ARRDC1: variants seen among roughly 807,000 people sequenced by gnomAD.
ARRDC1 encodes arrestin domain-containing protein 1.
Under a neutral mutation model 40.1 loss-of-function variants are expected in ARRDC1, and 37 were observed. The observed-to-expected ratio is 0.92, with a 90% confidence interval of 0.71 to 1.21. The LOEUF (loss-of-function observed/expected upper bound fraction) is 1.21. ARRDC1 is among the 50% of genes most tolerant of loss of function. The pLI is 0.00. For synonymous variants in ARRDC1, 310 were observed against 262.5 expected (o/e 1.18, Z -1.75); for missense variants, 641 against 581.9 (o/e 1.10, Z -1.04).
Position 137,613,759 on chromosome 9 carries a change from C to A in ARRDC1, c.425C>A (p.Pro142Gln). 6.2e-7 allele frequency: 1 copy of A among 1,614,180 alleles called. No individual in the cohort carries two copies. Among genetic ancestry groups the A allele is most frequent in the African/African-American group, 1.3e-5 (1 of 75,066 alleles). ...AGCCCCTTGAACCTGAACAGCATCC[C>A]AGACATTGAGGTGAGGATGGCACAG... ...ILSPLNLNSIPDIEQPNVASA... is the reference protein window; with the variant it reads ...ILSPLNLNSIQDIEQPNVASA... Residue 142 changes from proline to glutamine, a missense_variant, in exon 4 of 8, where the codon CCA becomes CAA. Physicochemically the swap from Pro to Gln is moderately conservative, Grantham distance 76. Transcript: ENST00000371421.
chr9:137,608,799 G>A (rs753982917), intron 1 of ARRDC1, among the ~76,000 whole-genome samples: 12 of 152,244 alleles, frequency 7.9e-5, no homozygotes, highest in Non-Finnish European at 1.0e-4. Context: ...CTTGCCTCCC[G>A]TGTTCTTACT....
At chr9:137,611,653 C>T (rs867948319) in intron 1 of ARRDC1, 35 of 147,004 alleles carry the variant, frequency 2.4e-4, no homozygotes, top group African/African-American at 9.4e-4. Context: ...TGAGGACAGG[C>T]CCTGGCAGCG....
chr9:137,605,801 G>T lies in ARRDC1; in HGVS notation c.84G>T (p.Val28=). 7.7e-7 allele frequency: 1 copy of T among 1,297,436 alleles called. No individual in the cohort carries two copies. Among genetic ancestry groups the T allele is most frequent in the Non-Finnish European group, 9.8e-7 (1 of 1,023,200 alleles). The allele number at this position is 1,297,436 out of a possible 1,614,324, so 80.4% of individuals were successfully genotyped here. A position where few individuals can be genotyped will look rare whatever the true frequency, so the allele number is the denominator to read the frequency against. The change falls in exon 1 of 8, where the codon GTG becomes GTT. Residue 28 remains valine, a synonymous_variant. Coordinates refer to ENST00000371421, the MANE Select transcript of ARRDC1 (RefSeq NM_152285.4). ...YSPGEPLAGT[V]RVRLGAPLPF... is the part of the protein sequence containing the mutation. ...CCGGGGAGCCGTTGGCTGGGACCGT[G>T]CGCGTGCGCCTGGGGGCACCGCTGC...
intron 1 of ARRDC1, chr9:137,612,581 T>C: frequency 3.1e-6 from 1 of 325,856 alleles, no homozygotes; most frequent in Non-Finnish European, 5.8e-6. Context: ...CAGGTCTGGC[T>C]GGGAGCCAAG....
At chr9:137,612,746 T>C (rs1842554847) in intron 1 of ARRDC1, 150 bp from the exon 2 acceptor site, 3 of 616,312 alleles carry the variant, frequency 4.9e-6, no homozygotes, top group East Asian at 5.6e-5. Flanking sequence ...GCAGATGTCC[T>C]CTGAAGTGGC....
At position 137,615,271 on chromosome 9, in the gene ARRDC1, C is replaced by T. The variant is rs114986132; in HGVS notation, c.*133C>T. The T allele has an allele frequency of 3.8e-3, 3,263 of 852,820 alleles. 54 individuals carry two copies. In the African/African-American group the frequency reaches 0.044, roughly 11 times the overall value. The allele number at this position is 852,820 out of a possible 1,614,324, so 52.8% of individuals were successfully genotyped here. A position where few individuals can be genotyped will look rare whatever the true frequency, so the allele number is the denominator to read the frequency against. On this transcript the variant is annotated 3_prime_UTR_variant, in exon 8 of 8. Coordinates refer to ENST00000371421, the MANE Select transcript of ARRDC1 (RefSeq NM_152285.4). ...AGCCTCTGCCAGCTCCTCTGGCATC[C>T]GCCCTCTTCTCCCTGGGGCTGGGGT...
chr9:137,612,357 C>A, intron 1 of ARRDC1: 1 of 160,122 alleles, frequency 6.2e-6, no homozygotes, highest in South Asian at 1.8e-4. Flanking sequence ...CAGTGCTCGC[C>A]CAGGAAGTAG....
chr9:137,615,166 T>G lies in ARRDC1; in HGVS notation c.*28T>G. 1 of 1,508,906 alleles carries G rather than the reference T, an allele frequency of 6.6e-7. No individual in the cohort carries two copies. The highest frequency in any genetic ancestry group is 2.3e-5 in the East Asian group (1 of 43,360). 93.5% of individuals were successfully genotyped at this position (1,508,906 alleles called of 1,614,324 possible). ...CCGTGCTGCCTTCTCCAGGCAGGCC[T>G]GGCCTCTGCCCTGGGACTGGGGCGC... is the stretch of plus-strand genomic sequence containing the variant. On this transcript the variant is annotated 3_prime_UTR_variant, in exon 8 of 8. Transcript: ENST00000371421.
At chr9:137,610,817 C>A (rs1410220492) in intron 1 of ARRDC1, among the ~76,000 whole-genome samples, 1 of 152,216 alleles carries the variant, frequency 6.6e-6, no homozygotes, top group African/African-American at 2.4e-5. Flanking sequence ...CCTGCCTTGG[C>A]CTCCCGAAGT....
intron 1 of ARRDC1, among the ~76,000 whole-genome samples, chr9:137,610,041 C>T (rs1457521634): frequency 6.6e-6 from 1 of 151,586 alleles, no homozygotes; most frequent in East Asian, 1.9e-4. Context: ...ATCTCGATCT[C>T]CTGACCTCGT....
intron 2 of ARRDC1, 39 bp from the exon 3 acceptor site, chr9:137,613,421 A>C (rs1842577575): frequency 6.3e-7 from 1 of 1,599,796 alleles, no homozygotes; most frequent in East Asian, 2.2e-5. Flanking sequence ...AGGCCACCTC[A>C]GGGGGGGACT....
rs770885209 is a variant in ARRDC1, at chr9:137,614,979, A to G, written c.1216A>G (p.Ser406Gly). 3.1e-6 allele frequency: 5 copies of G among 1,613,576 alleles called. No individual in the cohort carries two copies. The highest frequency in any genetic ancestry group is 4.2e-6 in the Non-Finnish European group (5 of 1,179,882). ...TSTLILPPEY[S>G]SWGYPYEAPP... ...CACCTTGATTCTTCCTCCAGAGTAC[A>G]GTTCTTGGGGCTACCCCTATGGTGA... The change falls in exon 7 of 8, where the codon AGT (serine) becomes GGT (glycine). Residue 406 changes from serine to glycine, a missense_variant. Transcript: ENST00000371421.
At chr9:137,612,692 C>T in intron 1 of ARRDC1, 1 of 548,620 alleles carries the variant, frequency 1.8e-6, no homozygotes. Context: ...GGTCAGGCCC[C>T]TCGCCTGCCT....
chr9:137,614,430 G>T lies in ARRDC1; in HGVS notation c.750G>T (p.Ser250=). The T allele has an allele frequency of 6.2e-7, 1 of 1,613,286 alleles. No homozygotes were observed. Among genetic ancestry groups the T allele is most frequent in the Non-Finnish European group, 8.5e-7 (1 of 1,179,956 alleles). ...TCCTGGTGCCTGCCTTGCCCCAGTC[G>T]GCCCTGCCGGGCTGCAGCCTCATCC... ...EQILVPALPQ[S]ALPGCSLIHI... is the part of the protein sequence containing the mutation. The change falls in exon 6 of 8, where the codon TCG becomes TCT. Residue 250 remains serine, a synonymous_variant. Transcript: ENST00000371421.
At chr9:137,612,821 G>T in intron 1 of ARRDC1, 75 bp from the exon 2 acceptor site, 1 of 1,217,678 alleles carries the variant, frequency 8.2e-7, no homozygotes, top group South Asian at 1.3e-5. Context: ...GCCCCAGGTC[G>T]AATTCCTGTG....
In ARRDC1 at chr9:137,614,086, G is replaced by A; in HGVS notation, c.490G>A (p.Gly164Ser). The A allele has an allele frequency of 6.2e-7, 1 of 1,613,856 alleles. No individual in the cohort carries two copies. Among genetic ancestry groups the A allele is most frequent in the Non-Finnish European group, 8.5e-7 (1 of 1,180,002 alleles). ...KKFSYKLVKTGSVVLTASTDL... is the reference protein window; with the variant it reads ...KKFSYKLVKTSSVVLTASTDL... Reference sequence around the variant, plus strand: ...GTTCTCCTACAAGCTGGTGAAGACGGGCAGCGTGGTCCTCACAGCCAGCAC... The same window carrying A: ...GTTCTCCTACAAGCTGGTGAAGACGAGCAGCGTGGTCCTCACAGCCAGCAC... The change falls in exon 5 of 8, where the codon GGC becomes AGC. Residue 164 changes from glycine (G) to serine (S), a missense_variant. Gly to Ser is a moderately conservative substitution (Grantham distance 56). Coordinates refer to ENST00000371421, the MANE Select transcript of ARRDC1 (RefSeq NM_152285.4).
Position 137,613,476 on chromosome 9 carries a change from A to G in ARRDC1, c.246A>G (p.Gly82=). The G allele has an allele frequency of 6.2e-7, 1 of 1,612,718 alleles. No individual in the cohort carries two copies. Among genetic ancestry groups the G allele is most frequent in the Non-Finnish European group, 8.5e-7 (1 of 1,179,844 alleles). The change falls in exon 3 of 8, where the codon GGA becomes GGG. Residue 82 remains glycine (G), a synonymous_variant. Coordinates refer to ENST00000371421, the MANE Select transcript of ARRDC1 (RefSeq NM_152285.4). ...TCTCTGCAGGGAGCCTGCCCGCTGG[A>G]GAGCACAGCTTCCCCTTCCAGTTCC... ...SLADKGSLPA[G]EHSFPFQFLL... is the part of the protein sequence containing the mutation.
At position 137,612,516 on chromosome 9, in the gene ARRDC1, G is replaced by A. The variant is rs77815262; in HGVS notation, c.119-380G>A. On this transcript the variant is annotated intron_variant, in intron 1 of 7. Transcript: ENST00000371421. ...GACTGACTTGTCCACAGGGCAGCAAGAAGATGCGCCCCTTGGTGTGTCCCG... is the reference window on the plus strand; with the variant it reads ...GACTGACTTGTCCACAGGGCAGCAAAAAGATGCGCCCCTTGGTGTGTCCCG... The A allele has an allele frequency of 1.1e-3, 276 of 248,150 alleles. 2 individuals are homozygous for A. Among genetic ancestry groups the A allele is most frequent in the African/African-American group, 5.6e-3 (241 of 42,726 alleles). The allele number at this position is 248,150 out of a possible 1,614,324, so 15.4% of individuals were successfully genotyped here.
At chr9:137,612,817 G>C (rs1370529731) in intron 1 of ARRDC1, 79 bp from the exon 2 acceptor site, 1 of 1,147,300 alleles carries the variant, frequency 8.7e-7, no homozygotes, top group Non-Finnish European at 1.3e-6. Context: ...CTTGGCCCCA[G>C]GTCGAATTCC....
Sources: allele counts gnomAD v4.1 joint callset (sites outside exome capture counted in the v4.1 genomes callset), GRCh38; gene constraint gnomAD v4.1.1; transcripts MANE v1.5; gene names NCBI Gene and HGNC (gene_info 2026-07-23, HGNC 2026-07-21).